Variants in MAGI2 observed in about 807,000 individuals in gnomAD.
MAGI2 encodes the protein membrane-associated guanylate kinase, WW and PDZ domain-containing protein 2.
Under a neutral mutation model 133.3 loss-of-function variants are expected in MAGI2, and 35 were observed. That is an observed-to-expected ratio of 0.26 (90% CI 0.20 to 0.35). MAGI2 has a LOEUF of 0.35. Ranked by LOEUF, MAGI2 falls within the 10% of genes least tolerant of loss-of-function variation. MAGI2 has a pLI of 1.00. For missense variants in MAGI2, 1,636 were observed against 1,863.4 expected, an observed-to-expected ratio of 0.88 and a Z score of 2.25; for synonymous variants, 729 against 710.6, an observed-to-expected ratio of 1.03 and a Z score of -0.41.
chr7:78,838,629 G>T (rs1022701508), intron 2 of MAGI2, among the ~76,000 whole-genome samples: 9 of 151,580 alleles, frequency 5.9e-5, no homozygotes, highest in African/African-American at 1.9e-4. Context: ...GTCTATATTT[G>T]TATGTACAAA....
intron 10 of MAGI2, among the ~76,000 whole-genome samples, chr7:78,214,615 G>A (rs916864071): frequency 2.0e-5 from 3 of 152,056 alleles, no homozygotes; most frequent in African/African-American, 7.2e-5. Context: ...CTTTTTAAAA[G>A]TAAGATCTGG....
At chr7:78,403,730 T>C (rs1797117566) in intron 6 of MAGI2, among the ~76,000 whole-genome samples, 1 of 152,174 alleles carries the variant, frequency 6.6e-6, no homozygotes, top group Non-Finnish European at 1.5e-5. Flanking sequence ...TGGTTTTGAT[T>C]TGCATTTCTC....
chr7:79,450,892 G>A (rs1280755104), intron 1 of MAGI2, among the ~76,000 whole-genome samples: 1 of 152,144 alleles, frequency 6.6e-6, no homozygotes, highest in Admixed American at 6.5e-5. Context: ...TTTAATGAAA[G>A]TAAAGCTGCT....
chr7:78,292,565 C>T (rs1796828430), intron 9 of MAGI2, among the ~76,000 whole-genome samples: 1 of 152,142 alleles, frequency 6.6e-6, no homozygotes, highest in African/African-American at 2.4e-5. Context: ...ACTTTCTTCA[C>T]AGAATTGGAA....
At chr7:78,372,226 C>T (rs1585037817) in intron 6 of MAGI2, among the ~76,000 whole-genome samples, 2 of 151,288 alleles carry the variant, frequency 1.3e-5, no homozygotes, top group Admixed American at 6.6e-5. Flanking sequence ...TGTAAAAAGA[C>T]AAGTCATCAA....
chr7:78,758,635 C>T (rs1396800968), intron 2 of MAGI2, among the ~76,000 whole-genome samples: 1 of 152,228 alleles, frequency 6.6e-6, no homozygotes, highest in African/African-American at 2.4e-5. Flanking sequence ...GAGCTTGCCA[C>T]ATGAAGCCTC....
chr7:78,879,110 T>A (rs533483826), intron 2 of MAGI2, among the ~76,000 whole-genome samples: 51 of 152,270 alleles, frequency 3.3e-4, no homozygotes, highest in Non-Finnish European at 6.5e-4. Context: ...AGAACTTCCC[T>A]ATCTCCATGC....
chr7:79,322,114 CCTT>C (rs1202457686), intron 1 of MAGI2, among the ~76,000 whole-genome samples: 1 of 151,990 alleles, frequency 6.6e-6, no homozygotes, highest in African/African-American at 2.4e-5. Context: ...GAAGCATTTA[CCTT>C]CTTCATAGCA....
chr7:78,491,109 G>A (rs1793563586), intron 5 of MAGI2, among the ~76,000 whole-genome samples: 1 of 152,002 alleles, frequency 6.6e-6, no homozygotes, highest in Non-Finnish European at 1.5e-5. Context: ...AACCATAAAT[G>A]TTAGCTAGAT....
chr7:78,327,955 A>T lies in MAGI2; in HGVS notation c.1408+15823T>A, dbSNP rs529803251. Among the ~76,000 whole-genome samples the T allele has an allele frequency of 1.3e-5, 2 of 152,294 alleles. 1 individual carries two copies. The highest frequency in any genetic ancestry group is 4.1e-4 in the South Asian group (2 of 4,824). On this transcript the variant is annotated intron_variant, in intron 9 of 21. Transcript: ENST00000354212. ...ATTAATAATGCCACTCCACACATCA[A>T]TAAGAGCCTTGGAAATTTACCATGA...
chr7:79,314,241 T>C (rs912727424), intron 1 of MAGI2, among the ~76,000 whole-genome samples: 1 of 152,178 alleles, frequency 6.6e-6, no homozygotes, highest in Non-Finnish European at 1.5e-5. Flanking sequence ...CCCAAAATGC[T>C]GGGATTATGG....
intron 2 of MAGI2, among the ~76,000 whole-genome samples, chr7:78,972,879 G>A (rs1174810359): frequency 1.3e-5 from 2 of 150,970 alleles, no homozygotes; most frequent in South Asian, 2.1e-4. Context: ...AGGTATTTAC[G>A]GCTAAAATTA....
At chr7:79,349,952 T>G (rs576560964) in intron 1 of MAGI2, among the ~76,000 whole-genome samples, 2 of 152,050 alleles carry the variant, frequency 1.3e-5, no homozygotes, top group Non-Finnish European at 2.9e-5. Flanking sequence ...AGATGCACAG[T>G]CTTTAGTTAA....
chr7:79,187,791 T>G (rs1264768466), intron 1 of MAGI2, among the ~76,000 whole-genome samples: 1 of 151,872 alleles, frequency 6.6e-6, no homozygotes, highest in Non-Finnish European at 1.5e-5. Context: ...ACACACATAT[T>G]TTGTCATTTT....
intron 1 of MAGI2, among the ~76,000 whole-genome samples, chr7:79,240,858 T>C (rs1347493349): frequency 6.6e-6 from 1 of 152,174 alleles, no homozygotes; most frequent in Non-Finnish European, 1.5e-5. Flanking sequence ...ATATCTCTTC[T>C]TAGGCAGGTA....
chr7:78,322,907 T>TA (rs540823031), intron 9 of MAGI2, among the ~76,000 whole-genome samples: 61 of 152,234 alleles, frequency 4.0e-4, no homozygotes, highest in African/African-American at 1.5e-3. Context: ...GTTTCAGTTT[T>TA]CTGGTATGAC....
intron 1 of MAGI2, among the ~76,000 whole-genome samples, chr7:79,066,069 T>C (rs184892758): frequency 3.3e-5 from 5 of 152,320 alleles, no homozygotes; most frequent in African/African-American, 7.2e-5. Context: ...CCTTTGGGTA[T>C]ATACCCAGTA....
chr7:78,034,292 T>C (rs750355805), intron 21 of MAGI2, among the ~76,000 whole-genome samples: 9 of 152,156 alleles, frequency 5.9e-5, no homozygotes, highest in Non-Finnish European at 1.3e-4. Flanking sequence ...CGAAAGGTGC[T>C]ACAGAAGCAT....
In MAGI2 at chr7:78,067,048, C is replaced by T. The variant is rs955482727; in HGVS notation, c.3706+11899G>A. Reference sequence around the variant, plus strand: ...TGTTTGAGGAAAGGGAGAGTGCAGGCGGAGCCCTAACACCTCGAGGTTAAA... The same window carrying T: ...TGTTTGAGGAAAGGGAGAGTGCAGGTGGAGCCCTAACACCTCGAGGTTAAA... On this transcript the variant is annotated intron_variant, in intron 21 of 21. Coordinates refer to ENST00000354212, the MANE Select transcript of MAGI2 (RefSeq NM_012301.4). 8.5e-5 allele frequency among the ~76,000 whole-genome samples: 13 copies of T among 152,308 alleles called. 1 individual carries two copies. Among genetic ancestry groups the T allele is most frequent in the Admixed American group, 5.2e-4 (8 of 15,304 alleles).
Sources: allele counts gnomAD v4.1 joint callset (sites outside exome capture counted in the v4.1 genomes callset), GRCh38; gene constraint gnomAD v4.1.1; transcripts MANE v1.5; gene names NCBI Gene and HGNC (gene_info 2026-07-23, HGNC 2026-07-21).